NSRP1: variants seen among roughly 807,000 people sequenced by gnomAD.
The protein encoded by NSRP1 is coiled-coil domain containing 55.
In NSRP1, 24 loss-of-function variants were observed where a neutral mutation model predicts 54.7. That is an observed-to-expected ratio of 0.44 (90% CI 0.32 to 0.62). The LOEUF (loss-of-function observed/expected upper bound fraction) is 0.62, where lower values mean the gene tolerates loss of function less well. Ranked by LOEUF, NSRP1 falls within the 20% of genes least tolerant of loss-of-function variation. The pLI, the probability that NSRP1 is intolerant of heterozygous loss-of-function variation, is 0.06. For missense variants in NSRP1, 596 were observed against 651.2 expected (o/e 0.92, Z 0.92); for synonymous variants, 210 against 213.8 (o/e 0.98, Z 0.15).
At chr17:30,119,535 C>A (rs1310978916) in intron 2 of NSRP1, among the ~76,000 whole-genome samples, 1 of 151,446 alleles carries the variant, frequency 6.6e-6, no homozygotes, top group Non-Finnish European at 1.5e-5. Flanking sequence ...TGGAGTCTCC[C>A]TCTTTCGCCC....
At chr17:30,172,404 G>A in intron 2 of NSRP1, 138 bp from the exon 3 acceptor site, 2 of 517,008 alleles carry the variant, frequency 3.9e-6, no homozygotes, top group South Asian at 3.6e-5. Flanking sequence ...TCAGATTTGG[G>A]GTGCTGAACC....
intron 5 of NSRP1, 81 bp from the exon 6 acceptor site, chr17:30,180,827 T>C: frequency 1.1e-6 from 1 of 877,944 alleles, no homozygotes; most frequent in South Asian, 1.4e-5. Context: ...ACACACTGTA[T>C]GTTATATACT....
At chr17:30,149,993 C>T (rs2071891140) in intron 2 of NSRP1, 1 of 152,214 alleles carries the variant, frequency 6.6e-6, no homozygotes, top group Non-Finnish European at 1.5e-5. Flanking sequence ...CCTTGGCAAT[C>T]ACTAATTGAC....
intron 2 of NSRP1, among the ~76,000 whole-genome samples, chr17:30,139,972 C>T (rs564093413): frequency 2.6e-5 from 4 of 152,138 alleles, no homozygotes; most frequent in South Asian, 2.1e-4. Flanking sequence ...TGCAGTGAAC[C>T]GAGATCGCAC....
chr17:30,117,284 C>T (rs1411647016), intron 1 of NSRP1: 3 of 585,976 alleles, frequency 5.1e-6, no homozygotes, highest in Non-Finnish European at 9.2e-6. Context: ...TGATTCCCGC[C>T]CTTCCTTCTC....
intron 2 of NSRP1, among the ~76,000 whole-genome samples, chr17:30,172,110 C>T (rs908277597): frequency 1.3e-5 from 2 of 151,612 alleles, no homozygotes; most frequent in African/African-American, 2.4e-5. Context: ...TTTTCCTGTA[C>T]CATTCTATTT....
At chr17:30,172,045 G>A (rs931096372) in intron 2 of NSRP1, among the ~76,000 whole-genome samples, 5 of 133,244 alleles carry the variant, frequency 3.8e-5, no homozygotes, top group Non-Finnish European at 6.3e-5. Flanking sequence ...ATTGAAATCT[G>A]TAAAGGTTGA....
intron 2 of NSRP1, among the ~76,000 whole-genome samples, chr17:30,151,177 T>C (rs1316863058): frequency 6.6e-6 from 1 of 152,236 alleles, no homozygotes; most frequent in Non-Finnish European, 1.5e-5. Flanking sequence ...TTGAAAAAAG[T>C]GTTCAACTCC....
chr17:30,117,139 C>T (rs573088833), intron 1 of NSRP1: 8 of 731,950 alleles, frequency 1.1e-5, no homozygotes, highest in Admixed American at 5.6e-5. Flanking sequence ...AAAGCTCGGT[C>T]TGAGGCCCCT....
chr17:30,121,161 T>C (rs979489792), intron 2 of NSRP1, among the ~76,000 whole-genome samples: 3 of 152,212 alleles, frequency 2.0e-5, no homozygotes, highest in African/African-American at 7.2e-5. Context: ...CCTTAAATTT[T>C]TCGTATAAAA....
chr17:30,177,177 C>T (rs970210895), intron 3 of NSRP1, among the ~76,000 whole-genome samples: 8 of 152,028 alleles, frequency 5.3e-5, no homozygotes, highest in Admixed American at 2.0e-4. Context: ...TCAAGACCAG[C>T]CTGAGCAACA....
chr17:30,127,871 T>C, intron 2 of NSRP1: 1 of 398,078 alleles, frequency 2.5e-6, no homozygotes, highest in Non-Finnish European at 4.4e-6. Context: ...TCTTGCTCTT[T>C]CACCCAGGAT....
At chr17:30,126,170 C>T (rs1165937859) in intron 2 of NSRP1, 1 of 152,132 alleles carries the variant, frequency 6.6e-6, no homozygotes, top group East Asian at 1.9e-4. Flanking sequence ...ATCCTCAGTC[C>T]TGAACGTAAT....
At chr17:30,146,593 A>G (rs2071857974) in intron 2 of NSRP1, among the ~76,000 whole-genome samples, 1 of 152,056 alleles carries the variant, frequency 6.6e-6, no homozygotes, top group Admixed American at 6.6e-5. Flanking sequence ...TTTAATTTCT[A>G]GATACTTCCT....
At chr17:30,180,760 A>G in intron 5 of NSRP1, 148 bp from the exon 6 acceptor site, 1 of 538,290 alleles carries the variant, frequency 1.9e-6, no homozygotes, top group South Asian at 2.5e-5. Flanking sequence ...TTATGAAAAC[A>G]GGCAACAGGC....
intron 2 of NSRP1, among the ~76,000 whole-genome samples, chr17:30,119,646 G>A (rs1436982232): frequency 2.0e-5 from 3 of 151,956 alleles, no homozygotes; most frequent in African/African-American, 7.3e-5. Context: ...GGGATTACAG[G>A]AACACACCAC....
intron 3 of NSRP1, among the ~76,000 whole-genome samples, chr17:30,174,512 G>A (rs190689820): frequency 6.6e-6 from 1 of 152,202 alleles, no homozygotes; most frequent in East Asian, 1.9e-4. Context: ...TTTCTTCTAT[G>A]TGGACCTCAA....
chr17:30,134,108 C>T (rs896134714), intron 2 of NSRP1, among the ~76,000 whole-genome samples: 7 of 152,142 alleles, frequency 4.6e-5, no homozygotes, highest in African/African-American at 1.2e-4. Flanking sequence ...AGTATTGTTG[C>T]GTCTCAAGGA....
chr17:30,163,796 C>T (rs28627088), intron 2 of NSRP1, among the ~76,000 whole-genome samples: 1,730 of 151,668 alleles, frequency 0.011, 39 homozygotes, highest in African/African-American at 0.04. Flanking sequence ...ATTCTCTTGC[C>T]TCAGCCTCCC....
Sources: allele counts gnomAD v4.1 joint callset (sites outside exome capture counted in the v4.1 genomes callset), GRCh38; gene constraint gnomAD v4.1.1; transcripts MANE v1.5; gene names NCBI Gene and HGNC (gene_info 2026-07-23, HGNC 2026-07-21).